The following NAV1 variants were observed in gnomAD, a reference collection of about 807,000 sequenced individuals.
NAV1 encodes neuron navigator 1.
NAV1 carries 18 observed loss-of-function variants against 175.2 expected under a neutral mutation model. That is an observed-to-expected ratio of 0.10 (90% CI 0.07 to 0.15). The LOEUF (loss-of-function observed/expected upper bound fraction) is 0.15, where lower values mean the gene tolerates loss of function less well. NAV1 is among the 10% of genes least tolerant of loss of function. NAV1 has a pLI of 1.00. For missense variants in NAV1, 1,731 were observed against 2,436.6 expected (o/e 0.71, Z 6.10); for synonymous variants, 897 against 978.7 (o/e 0.92, Z 1.56).
chr1:201,784,500 C>G, intron 7 of NAV1, among the ~76,000 whole-genome samples: 1 of 151,902 alleles, frequency 6.6e-6, no homozygotes, highest in East Asian at 1.9e-4. Flanking sequence ...GTTTTCCCCT[C>G]CCTTCCCCCT....
chr1:201,643,178 CTTCT>C (rs1297877008), intron 2 of NAV1, among the ~76,000 whole-genome samples: 1 of 140,276 alleles, frequency 7.1e-6, no homozygotes, highest in African/African-American at 2.9e-5. Flanking sequence ...TCTTCCCTTC[CTTCT>C]CTTTCTTCCT....
chr1:201,716,886 G>A (rs1441662746), intron 2 of NAV1, among the ~76,000 whole-genome samples: 1 of 152,130 alleles, frequency 6.6e-6, no homozygotes, highest in Non-Finnish European at 1.5e-5. Flanking sequence ...TCAAAAATAA[G>A]TAAATAAGTA....
chr1:201,627,739 G>C (rs760887302), intron 1 of NAV1, among the ~76,000 whole-genome samples: 2 of 152,004 alleles, frequency 1.3e-5, no homozygotes, highest in Admixed American at 6.6e-5. Flanking sequence ...CCAATATGTT[G>C]CATCCCCTAC....
At chr1:201,565,742 C>T (rs1441362475) in intron 1 of NAV1, among the ~76,000 whole-genome samples, 1 of 152,204 alleles carries the variant, frequency 6.6e-6, no homozygotes, top group Non-Finnish European at 1.5e-5. Flanking sequence ...TCACCCACCC[C>T]CTGCCTCTCT....
Position 201,782,287 on chromosome 1 carries a change from C to A in NAV1, c.1775C>A (p.Pro592His), listed in dbSNP as rs532956932. 1.2e-6 allele frequency: 2 copies of A among 1,614,164 alleles called. No homozygotes were observed. Among genetic ancestry groups the A allele is most frequent in the Non-Finnish European group, 8.5e-7 (1 of 1,180,030 alleles). Residue 592 changes from proline to histidine, a missense_variant, in exon 6 of 30, where the codon CCC becomes CAC. Transcript: ENST00000367296. The surrounding 1 kb of genome is among the most constrained non-coding windows in gnomAD (Gnocchi z 5.4). ...GACCGCCTGAGTGATGCTAAGAAGC[C>A]CCCCTCGGGCATTGCTCGCCCCTCC... is the stretch of plus-strand genomic sequence containing the variant.
intron 13 of NAV1, chr1:201,792,489 G>T (rs1020560226): frequency 6.6e-6 from 1 of 152,444 alleles, no homozygotes; most frequent in African/African-American, 2.4e-5. Context: ...GGAGAGCGGG[G>T]AGAAAGCCCA....
At chr1:201,674,631 A>C (rs1484477682) in intron 1 of NAV1, among the ~76,000 whole-genome samples, 1 of 152,170 alleles carries the variant, frequency 6.6e-6, no homozygotes, top group East Asian at 1.9e-4. Flanking sequence ...AGCCTCAGGG[A>C]GCATTTACTT....
chr1:201,804,186 T>C (rs1174043308), intron 16 of NAV1: 1 of 515,948 alleles, frequency 1.9e-6, no homozygotes, highest in Non-Finnish European at 3.5e-6. Flanking sequence ...TTACCTTTGG[T>C]AGGTCCAGAA....
chr1:201,790,256 G>A (rs780802153), intron 11 of NAV1, among the ~76,000 whole-genome samples: 1 of 152,178 alleles, frequency 6.6e-6, no homozygotes, highest in Non-Finnish European at 1.5e-5. Context: ...TTTACTCCAA[G>A]TTGCTGGCAA....
chr1:201,781,409 G>C, intron 5 of NAV1, 100 bp downstream of exon 9: 2 of 1,202,348 alleles, frequency 1.7e-6, no homozygotes, highest in South Asian at 1.6e-5. Flanking sequence ...GCAAACATTT[G>C]CATAGTGCTT....
intron 2 of NAV1, among the ~76,000 whole-genome samples, chr1:201,591,418 G>C (rs1053179056): frequency 1.3e-5 from 2 of 152,138 alleles, no homozygotes; most frequent in African/African-American, 4.8e-5. Context: ...CAACCTCCCC[G>C]AGTCAGGGCC....
intron 3 of NAV1, among the ~76,000 whole-genome samples, chr1:201,764,067 G>T (rs1675035091): frequency 6.6e-6 from 1 of 152,076 alleles, no homozygotes; most frequent in African/African-American, 2.4e-5. Context: ...ATGGATTCGG[G>T]TATTTAATTT....
chr1:201,819,614 T>G (rs944694342), intron 29 of NAV1, among the ~76,000 whole-genome samples: 1 of 152,240 alleles, frequency 6.6e-6, no homozygotes, highest in African/African-American at 2.4e-5. Context: ...GGGACTGTAG[T>G]TGTGTGCCAC....
intron 1 of NAV1, among the ~76,000 whole-genome samples, chr1:201,572,232 C>T (rs1257020678): frequency 6.6e-6 from 1 of 152,126 alleles, no homozygotes; most frequent in African/African-American, 2.4e-5. Context: ...TCTGCAGGGG[C>T]CACAGCATCT....
At chr1:201,715,608 G>T (rs1672107506) in intron 2 of NAV1, among the ~76,000 whole-genome samples, 1 of 152,210 alleles carries the variant, frequency 6.6e-6, no homozygotes, top group South Asian at 2.1e-4. Context: ...ATGAGGGTAG[G>T]TTCTGTACTC....
intron 3 of NAV1, among the ~76,000 whole-genome samples, chr1:201,771,293 C>T (rs1675568247): frequency 6.6e-6 from 1 of 150,420 alleles, no homozygotes; most frequent in African/African-American, 2.5e-5. Flanking sequence ...GGCAGGTCAC[C>T]TGAGGTCAGG....
chr1:201,540,285 G>A (rs1387003999), intron 1 of NAV1, among the ~76,000 whole-genome samples: 1 of 152,196 alleles, frequency 6.6e-6, no homozygotes, highest in Admixed American at 6.5e-5. Context: ...CGCAGCTGGC[G>A]CCGGCTTAAG....
chr1:201,607,241 A>C (rs1271273189), intron 2 of NAV1, among the ~76,000 whole-genome samples: 1 of 146,994 alleles, frequency 6.8e-6, no homozygotes, highest in Non-Finnish European at 1.5e-5. Flanking sequence ...TTAGACTTCC[A>C]AGCAGCTGAG....
chr1:201,733,353 C>T (rs1672951861), intron 3 of NAV1: 1 of 152,142 alleles, frequency 6.6e-6, no homozygotes, highest in Non-Finnish European at 1.5e-5. Context: ...GCACTCCAGC[C>T]TGGGTGACAG....
Sources: allele counts gnomAD v4.1 joint callset (sites outside exome capture counted in the v4.1 genomes callset), GRCh38; gene constraint gnomAD v4.1.1; non-coding constraint Gnocchi (gnomAD v3.1); transcripts MANE v1.5; gene names NCBI Gene and HGNC (gene_info 2026-07-23, HGNC 2026-07-21).